The following LHFPL2 variants were observed in gnomAD, a reference collection of about 807,000 sequenced individuals.
The protein encoded by LHFPL2 is LHFPL tetraspan subfamily member 2 protein.
A neutral mutation model predicts 17.5 loss-of-function variants in LHFPL2; 7 were observed. That is an observed-to-expected ratio of 0.40 (90% CI 0.23 to 0.75). The LOEUF is 0.75. Among genes scored for constraint, LHFPL2 ranks in the 30% least tolerant of loss-of-function variants. The pLI is 0.37. For synonymous variants in LHFPL2, 134 were observed against 116.2 expected (o/e 1.15, Z -0.99); for missense variants, 241 against 294.8 (o/e 0.82, Z 1.34).
At chr5:78,617,485 T>C (rs1744662849) in intron 2 of LHFPL2, among the ~76,000 whole-genome samples, 2 of 152,116 alleles carry the variant, frequency 1.3e-5, no homozygotes, top group African/African-American at 4.8e-5. Context: ...CACACAGACA[T>C]CCATCTGTGC....
intron 3 of LHFPL2, among the ~76,000 whole-genome samples, chr5:78,544,317 A>G (rs949064719): frequency 5.3e-5 from 8 of 152,196 alleles, no homozygotes; most frequent in African/African-American, 1.9e-4. Flanking sequence ...TCTGCAATAA[A>G]TATCTATTGC....
intron 2 of LHFPL2, among the ~76,000 whole-genome samples, chr5:78,582,734 G>A (rs1342765423): frequency 2.0e-5 from 3 of 152,128 alleles, no homozygotes; most frequent in Non-Finnish European, 4.4e-5. Context: ...AATAGGTATG[G>A]TGTGGTGCTG....
At chr5:78,607,673 T>G (rs968267685) in intron 2 of LHFPL2, among the ~76,000 whole-genome samples, 1 of 152,122 alleles carries the variant, frequency 6.6e-6, no homozygotes, top group Admixed American at 6.5e-5. Flanking sequence ...CAATCAAAAG[T>G]CAGCATGAAA....
chr5:78,569,019 A>AC (rs1406939001), intron 2 of LHFPL2, among the ~76,000 whole-genome samples: 1 of 151,908 alleles, frequency 6.6e-6, no homozygotes, highest in Non-Finnish European at 1.5e-5. Context: ...AGGACTTCTG[A>AC]CCCCCCAGGC....
At chr5:78,538,850 C>T (rs543177475) in intron 3 of LHFPL2, among the ~76,000 whole-genome samples, 2 of 152,330 alleles carry the variant, frequency 1.3e-5, no homozygotes, top group South Asian at 2.1e-4. Context: ...TGCAGCCACA[C>T]ACCACGTATC....
intron 2 of LHFPL2, among the ~76,000 whole-genome samples, chr5:78,619,349 C>T (rs1256790561): frequency 4.6e-5 from 7 of 152,036 alleles, no homozygotes; most frequent in African/African-American, 7.2e-5. Context: ...CTTTATAGGG[C>T]TTTGGCCCTT....
chr5:78,557,004 A>C (rs1358183025), intron 3 of LHFPL2, among the ~76,000 whole-genome samples: 1 of 152,086 alleles, frequency 6.6e-6, no homozygotes, highest in East Asian at 1.9e-4. Flanking sequence ...ACATGTGCAC[A>C]ACATGCAGGT....
At chr5:78,573,661 T>C (rs1392823882) in intron 2 of LHFPL2, among the ~76,000 whole-genome samples, 2 of 152,234 alleles carry the variant, frequency 1.3e-5, no homozygotes, top group Non-Finnish European at 2.9e-5. Flanking sequence ...TTCATCTTTT[T>C]TCCCCCCATG....
intron 3 of LHFPL2, among the ~76,000 whole-genome samples, chr5:78,554,909 C>CT (rs1037871584): frequency 2.6e-5 from 4 of 152,146 alleles, no homozygotes; most frequent in African/African-American, 9.7e-5. Context: ...AAACTTACCC[C>CT]TGGGGAAGGA....
intron 4 of LHFPL2, among the ~76,000 whole-genome samples, chr5:78,493,176 G>A: frequency 6.6e-6 from 1 of 152,210 alleles, no homozygotes; most frequent in Non-Finnish European, 1.5e-5. Context: ...AGCAAGATCA[G>A]TGACTTGGGT....
At position 78,487,813 on chromosome 5, in the gene LHFPL2, T is replaced by C. The variant is rs1441161816; in HGVS notation, c.*1084A>G. 1.3e-5 allele frequency: 2 copies of C among 152,200 alleles called. No individual in the cohort carries two copies. The highest frequency in any genetic ancestry group is 6.5e-5 in the Admixed American group (1 of 15,288). 9.4% of individuals were successfully genotyped at this position (152,200 alleles called of 1,614,324 possible). A position where few individuals can be genotyped will look rare whatever the true frequency, so the allele number is the denominator to read the frequency against. ...CTTCAGTTGCAGCAATTTAATGTTA[T>C]CTCAGTCTGCTTTCAGGATCAACAC... On this transcript the variant is annotated 3_prime_UTR_variant, in exon 5 of 5. Coordinates refer to ENST00000380345, the MANE Select transcript of LHFPL2 (RefSeq NM_005779.3).
chr5:78,601,018 G>C (rs890570874), intron 2 of LHFPL2, among the ~76,000 whole-genome samples: 1 of 152,172 alleles, frequency 6.6e-6, no homozygotes, highest in Non-Finnish European at 1.5e-5. Flanking sequence ...CCCAACACTT[G>C]ACCAGCATGT....
intron 2 of LHFPL2, among the ~76,000 whole-genome samples, chr5:78,619,620 T>G (rs1217053175): frequency 5.8e-5 from 8 of 138,520 alleles, no homozygotes; most frequent in Non-Finnish European, 1.2e-4. Flanking sequence ...CATTTAGCAT[T>G]AGGTATATCT....
At chr5:78,544,949 C>T (rs932866789) in intron 3 of LHFPL2, among the ~76,000 whole-genome samples, 2 of 152,148 alleles carry the variant, frequency 1.3e-5, no homozygotes, top group African/African-American at 4.8e-5. Context: ...AATTCATCTG[C>T]ATTGTAATCC....
Position 78,510,697 on chromosome 5 carries a change from C to T in LHFPL2, c.-185-299G>A, listed in dbSNP as rs951346077. On this transcript the variant is annotated intron_variant, in intron 3 of 4. Transcript: ENST00000380345. ...GGGCACTGTCCTGGTTGCTGCTGCACTTTTAGGACAGGGCTCCCGCTCCCT... is the reference window on the plus strand; with the variant it reads ...GGGCACTGTCCTGGTTGCTGCTGCATTTTTAGGACAGGGCTCCCGCTCCCT... Among the ~76,000 whole-genome samples the T allele has an allele frequency of 3.9e-5, 6 of 152,252 alleles. No individual in the cohort carries two copies. In the East Asian group the frequency reaches 1.2e-3, roughly 29 times the overall value.
chr5:78,561,921 TA>T (rs1430305737), intron 3 of LHFPL2, among the ~76,000 whole-genome samples: 3 of 152,104 alleles, frequency 2.0e-5, no homozygotes, highest in Non-Finnish European at 1.5e-5. Context: ...TCACCCACCC[TA>T]AATTCACACT....
At chr5:78,549,617 A>T (rs1285648471) in intron 3 of LHFPL2, among the ~76,000 whole-genome samples, 1 of 152,216 alleles carries the variant, frequency 6.6e-6, no homozygotes, top group African/African-American at 2.4e-5. Context: ...CTCCAATAAC[A>T]ATAAATTCTG....
At chr5:78,490,604 G>T (rs1366920929) in intron 4 of LHFPL2, among the ~76,000 whole-genome samples, 1 of 151,752 alleles carries the variant, frequency 6.6e-6, no homozygotes, top group African/African-American at 2.4e-5. Flanking sequence ...ACAAAAATTA[G>T]CTGGGCGTGG....
chr5:78,567,198 G>A (rs1756881517), intron 2 of LHFPL2, among the ~76,000 whole-genome samples: 1 of 152,076 alleles, frequency 6.6e-6, no homozygotes, highest in Non-Finnish European at 1.5e-5. Flanking sequence ...CAATTAATTT[G>A]ACCCAAAGCT....
Sources: gnomAD v4.1 joint callset for allele counts (sites outside exome capture counted in the v4.1 genomes callset) on GRCh38, gnomAD v4.1.1 for gene constraint, MANE v1.5 for transcripts, NCBI Gene and HGNC (gene_info 2026-07-23, HGNC 2026-07-21) for gene names.